CACNA1C: variants seen among roughly 807,000 people sequenced by gnomAD.
CACNA1C encodes calcium voltage-gated channel subunit alpha1 C, also known as voltage-dependent L-type calcium channel subunit alpha-1C.
CACNA1C carries 30 observed loss-of-function variants against 229.0 expected under a neutral mutation model. The observed-to-expected ratio is 0.13, with a 90% CI of 0.10 to 0.18. The LOEUF (loss-of-function observed/expected upper bound fraction) is 0.18. Among genes scored for constraint, CACNA1C ranks in the 10% least tolerant of loss-of-function variants. CACNA1C has a pLI of 1.00. For synonymous variants in CACNA1C, 1,114 were observed against 1,132.5 expected (o/e 0.98, Z 0.33); for missense variants, 1,658 against 2,845.0 (o/e 0.58, Z 9.49).
chr12:2,449,990 A>G (rs1042812404), intron 4 of CACNA1C, among the ~76,000 whole-genome samples: 2 of 152,168 alleles, frequency 1.3e-5, no homozygotes, highest in African/African-American at 4.8e-5. Context: ...TGCTCAAGAC[A>G]GGTGGATGAG....
At chr12:2,522,642 CATT>C (rs768049058) in intron 9 of CACNA1C, among the ~76,000 whole-genome samples, 85 of 152,246 alleles carry the variant, frequency 5.6e-4, no homozygotes, top group Non-Finnish European at 1.0e-3. Context: ...TAGGAGGGGT[CATT>C]GTTTCACTGT....
intron 1 of CACNA1C, among the ~76,000 whole-genome samples, chr12:1,986,183 T>G (rs2037723662): frequency 6.6e-6 from 1 of 152,208 alleles, no homozygotes; most frequent in Non-Finnish European, 1.5e-5. Context: ...AATAATGGTT[T>G]ATATTGTAAG....
chr12:2,580,262 G>A (rs2060026381), intron 13 of CACNA1C, among the ~76,000 whole-genome samples: 1 of 152,234 alleles, frequency 6.6e-6, no homozygotes, highest in South Asian at 2.1e-4. Context: ...ATTTGTGGAG[G>A]CCAAAGGTGC....
At chr12:2,323,129 CTCT>C (rs2096098655) in intron 3 of CACNA1C, among the ~76,000 whole-genome samples, 1 of 152,304 alleles carries the variant, frequency 6.6e-6, no homozygotes, top group African/African-American at 2.4e-5. Context: ...TGTTTCTCCT[CTCT>C]TCTTTGCACA....
chr12:2,204,476 A>G (rs2097691824), intron 3 of CACNA1C, among the ~76,000 whole-genome samples: 1 of 151,224 alleles, frequency 6.6e-6, no homozygotes, highest in Non-Finnish European at 1.5e-5. Context: ...TCATGTTGCT[A>G]TAAAGACACA....
At chr12:2,250,621 A>C (rs932025894) in intron 3 of CACNA1C, among the ~76,000 whole-genome samples, 1 of 152,116 alleles carries the variant, frequency 6.6e-6, no homozygotes, top group Admixed American at 6.5e-5. Context: ...CACTGAGCCA[A>C]TGGAGCCCTG....
At chr12:2,050,181 C>T (rs928943739), upstream of CACNA1C, among the ~76,000 whole-genome samples, 1 of 152,024 alleles carries the variant, frequency 6.6e-6, no homozygotes, top group African/African-American at 2.4e-5. Context: ...TGCAGCCCTG[C>T]CCCCACCAGC....
rs185405442 is a variant in CACNA1C at position 2,097,360 on chromosome 12, A to C, written c.50-17864A>C. Among the ~76,000 whole-genome samples, 615 of 151,964 alleles carry C rather than the reference A, an allele frequency of 4.0e-3. 18 individuals carry two copies. In the East Asian group the frequency reaches 0.093, roughly 23 times the overall value. On this transcript the variant is annotated intron_variant, in intron 1 of 46. Transcript: ENST00000399655. ...ACGGGGTTTCACCATGTTAGCCAGG[A>C]TAGTCTCGATCTCCTGACCTTGTGA...
At chr12:2,071,201 C>T (rs910716604) in intron 1 of CACNA1C, among the ~76,000 whole-genome samples, 1 of 137,642 alleles carries the variant, frequency 7.3e-6, no homozygotes, top group Admixed American at 7.5e-5. Context: ...TGCCTGCCTG[C>T]CTGCCTGCCT....
At chr12:2,395,272 G>T (rs1489536314) in intron 3 of CACNA1C, among the ~76,000 whole-genome samples, 1 of 147,444 alleles carries the variant, frequency 6.8e-6, no homozygotes, top group Non-Finnish European at 1.5e-5. Flanking sequence ...AGGCTGAAGT[G>T]CAATGACATG....
At chr12:2,059,303 G>T (rs1332280054) in intron 1 of CACNA1C, among the ~76,000 whole-genome samples, 2 of 152,060 alleles carry the variant, frequency 1.3e-5, no homozygotes, top group Non-Finnish European at 2.9e-5. Flanking sequence ...AGGTCATCAG[G>T]GTAGTCAGTT....
chr12:2,212,017 G>A (rs528799991), intron 3 of CACNA1C, among the ~76,000 whole-genome samples: 3 of 152,168 alleles, frequency 2.0e-5, no homozygotes, highest in East Asian at 1.9e-4. Flanking sequence ...CACCGCGCCC[G>A]GCCTCTTTCT....
Position 2,311,926 on chromosome 12 carries a change from A to T in CACNA1C, c.478-137050A>T, listed in dbSNP as rs544080890. On this transcript the variant is annotated intron_variant, in intron 3 of 46. Coordinates refer to ENST00000399655, the MANE Select transcript of CACNA1C (RefSeq NM_000719.7). ...TAACATAGTAAATTTTGTGTTATGT[A>T]TATTTTATCCCCCAAATAAAAGAGC... Among the ~76,000 whole-genome samples the T allele has an allele frequency of 2.0e-5, 3 of 152,326 alleles. No individual in the cohort carries two copies. The South Asian group carries it at 6.2e-4, about 32-fold the overall frequency.
chr12:2,524,250 C>T (rs1437150058), intron 9 of CACNA1C, among the ~76,000 whole-genome samples: 1 of 152,194 alleles, frequency 6.6e-6, no homozygotes, highest in Non-Finnish European at 1.5e-5. Flanking sequence ...GACATGGGCA[C>T]ATTAACACAC....
chr12:2,364,609 C>G (rs182348947), intron 3 of CACNA1C, among the ~76,000 whole-genome samples: 1 of 152,324 alleles, frequency 6.6e-6, no homozygotes, highest in East Asian at 1.9e-4. Flanking sequence ...TTTAAATACA[C>G]TCTTGCCATG....
At chr12:2,543,963 T>A (rs1024965802) in intron 9 of CACNA1C, among the ~76,000 whole-genome samples, 3 of 152,136 alleles carry the variant, frequency 2.0e-5, no homozygotes, top group Admixed American at 6.5e-5. Context: ...ACCACACAGA[T>A]AGAAACTTGG....
rs1418607693 is a variant in CACNA1C, at chr12:2,067,477, TGTGTGC to T, written c.49+13868_49+13873del. On this transcript the variant is annotated intron_variant, in intron 1 of 46. Transcript: ENST00000399655. The surrounding 1 kb of genome is among the most constrained non-coding windows in gnomAD (Gnocchi z 5.3). ...GTGTGTGTGTGTGTGTGTGTGTGTG[TGTGTGC>T]GCGCGTGTGCGTGCCTGTATGTAAG... is the stretch of plus-strand genomic sequence containing the variant. Among the ~76,000 whole-genome samples the T allele has an allele frequency of 9.3e-3, 1,227 of 131,722 alleles. 23 individuals carry two copies. The highest frequency in any genetic ancestry group is 0.03 in the African/African-American group (1,143 of 37,670). 86.4% of individuals were successfully genotyped at this position (131,722 alleles called of 152,430 possible).
intron 3 of CACNA1C, among the ~76,000 whole-genome samples, chr12:2,150,900 C>T (rs1329050927): frequency 6.6e-6 from 1 of 152,152 alleles, no homozygotes; most frequent in East Asian, 1.9e-4. Context: ...GGGAAGGTGA[C>T]ATGTAAAAAT....
chr12:2,579,411 C>T (rs556536867), intron 13 of CACNA1C, among the ~76,000 whole-genome samples: 1 of 152,174 alleles, frequency 6.6e-6, no homozygotes, highest in Admixed American at 6.5e-5. Flanking sequence ...TGGTTCCCAA[C>T]TCCCAGTGTA....
Sources: gnomAD v4.1 joint callset for allele counts (sites outside exome capture counted in the v4.1 genomes callset) on GRCh38, gnomAD v4.1.1 for gene constraint, Gnocchi (gnomAD v3.1) non-coding constraint, MANE v1.5 for transcripts, NCBI Gene and HGNC (gene_info 2026-07-23, HGNC 2026-07-21) for gene names.